Variants in ANKS1B observed in about 807,000 individuals in gnomAD.
ANKS1B encodes the protein ankyrin repeat and sterile alpha motif domain containing 1B, also known as ankyrin repeat and sterile alpha motif domain-containing protein 1B.
Under a neutral mutation model 148.3 loss-of-function variants are expected in ANKS1B, and 36 were observed. That is an observed-to-expected ratio of 0.24 (90% confidence interval 0.19 to 0.32). The LOEUF (loss-of-function observed/expected upper bound fraction) is 0.32, where lower values mean the gene tolerates loss of function less well. ANKS1B is among the 10% of genes least tolerant of loss of function. ANKS1B has a pLI of 1.00. For missense variants in ANKS1B, 1,157 were observed against 1,542.6 expected, an observed-to-expected ratio of 0.75 and a Z score of 4.19; for synonymous variants, 542 against 560.8, an observed-to-expected ratio of 0.97 and a Z score of 0.47.
chr12:99,648,180 G>C, intron 9 of ANKS1B: 6 of 1,611,502 alleles, frequency 3.7e-6, no homozygotes, highest in Non-Finnish European at 5.1e-6. Flanking sequence ...AAGACATGGA[G>C]GACTGCTGTA....
chr12:99,262,641 C>G (rs2076040164), intron 12 of ANKS1B, among the ~76,000 whole-genome samples: 4 of 151,350 alleles, frequency 2.6e-5, no homozygotes, highest in Admixed American at 1.3e-4. Flanking sequence ...TATTTTCCCC[C>G]AATGAAAATA....
intron 11 of ANKS1B, among the ~76,000 whole-genome samples, chr12:99,413,949 G>A (rs532997986): frequency 6.6e-6 from 1 of 152,096 alleles, no homozygotes; most frequent in Non-Finnish European, 1.5e-5. Context: ...CACCCTGACC[G>A]AGGCCCTGAG....
chr12:99,895,035 T>C lies in ANKS1B; in HGVS notation c.135-69646A>G, dbSNP rs114169857. Among the ~76,000 whole-genome samples, 1,373 of 151,070 alleles carry C rather than the reference T, an allele frequency of 9.1e-3. 40 individuals carry two copies. Among genetic ancestry groups the C allele is most frequent in the African/African-American group, 0.032 (1,307 of 41,404 alleles). On this transcript the variant is annotated intron_variant, in intron 1 of 26. Coordinates refer to ENST00000683438, the MANE Select transcript of ANKS1B (RefSeq NM_001352186.2). ...GGACCATTTGTATAATAGTTAATTT[T>C]ATATGTCAATTTGGCTGATCCACAG...
intron 14 of ANKS1B, among the ~76,000 whole-genome samples, chr12:99,224,842 T>C (rs559390663): frequency 6.6e-6 from 1 of 152,302 alleles, no homozygotes; most frequent in Admixed American, 6.5e-5. Context: ...TTTCTGACAC[T>C]GTATCTCATA....
At chr12:99,846,674 A>G (rs531224788) in intron 1 of ANKS1B, among the ~76,000 whole-genome samples, 1 of 152,238 alleles carries the variant, frequency 6.6e-6, no homozygotes, top group South Asian at 2.1e-4. Context: ...ATACTGTGAT[A>G]TTTTGCTGCC....
At chr12:99,289,358 C>G (rs1336555612) in intron 12 of ANKS1B, among the ~76,000 whole-genome samples, 2 of 152,026 alleles carry the variant, frequency 1.3e-5, no homozygotes, top group Non-Finnish European at 2.9e-5. Flanking sequence ...TTGGACAGAT[C>G]ATCCAGACAG....
intron 10 of ANKS1B, among the ~76,000 whole-genome samples, chr12:99,479,746 C>CAGAATGTTAGTCGAAAGG (rs924941535): frequency 6.6e-6 from 1 of 151,762 alleles, no homozygotes; most frequent in Non-Finnish European, 1.5e-5. Flanking sequence ...AGGAGAAAGG[C>CAGAATGTTAGTCGAAAGG]AGAATGTTAG....
chr12:99,124,814 T>C (rs2063848532), intron 15 of ANKS1B, among the ~76,000 whole-genome samples: 2 of 152,144 alleles, frequency 1.3e-5, no homozygotes, highest in Non-Finnish European at 2.9e-5. Flanking sequence ...GGAAGAAAAT[T>C]AATTCAATAT....
At chr12:99,189,565 C>T (rs142324034) in intron 14 of ANKS1B, among the ~76,000 whole-genome samples, 1 of 152,236 alleles carries the variant, frequency 6.6e-6, no homozygotes, top group African/African-American at 2.4e-5. Context: ...AAACATTATC[C>T]ATGACATAAA....
chr12:99,543,251 C>T (rs745842898), intron 9 of ANKS1B, among the ~76,000 whole-genome samples: 5 of 151,860 alleles, frequency 3.3e-5, no homozygotes, highest in Non-Finnish European at 5.9e-5. Flanking sequence ...TAGAGAAATG[C>T]AAATCAAAAC....
chr12:99,744,433 C>T (rs1441346940), intron 8 of ANKS1B, among the ~76,000 whole-genome samples: 1 of 152,154 alleles, frequency 6.6e-6, no homozygotes, highest in East Asian at 1.9e-4. Flanking sequence ...AGAACAGATG[C>T]TCTGAAGCAT....
At chr12:98,909,161 G>A (rs546254274) in intron 17 of ANKS1B, among the ~76,000 whole-genome samples, 1 of 152,098 alleles carries the variant, frequency 6.6e-6, no homozygotes, top group East Asian at 1.9e-4. Context: ...ATTTCTGGAG[G>A]GTATAACAGC....
rs79265341 is a variant in ANKS1B, at chr12:99,500,303, A to G, written c.1438+4173T>C. 4.7e-3 allele frequency among the ~76,000 whole-genome samples: 715 copies of G among 152,226 alleles called. 31 individuals carry two copies. The South Asian group carries it at 0.07, about 15-fold the overall frequency. ...AATACAAATGATGCAGCTTCCTCTT[A>G]GTTCTTTGGGGATGCTTGCTCTCAG... On this transcript the variant is annotated intron_variant, in intron 10 of 26. Transcript: ENST00000683438.
intron 17 of ANKS1B, among the ~76,000 whole-genome samples, chr12:98,909,170 G>A (rs140143081): frequency 6.6e-6 from 1 of 152,260 alleles, no homozygotes; most frequent in Non-Finnish European, 1.5e-5. Context: ...GGGTATAACA[G>A]CAGTATATTG....
At chr12:98,795,243 T>C (rs2098937527) in intron 22 of ANKS1B, among the ~76,000 whole-genome samples, 1 of 152,238 alleles carries the variant, frequency 6.6e-6, no homozygotes, top group Non-Finnish European at 1.5e-5. Flanking sequence ...AACAAGGAAC[T>C]AACAATTTGT....
At chr12:99,540,387 C>A (rs1264633041) in intron 9 of ANKS1B, among the ~76,000 whole-genome samples, 1 of 152,078 alleles carries the variant, frequency 6.6e-6, no homozygotes, top group African/African-American at 2.4e-5. Flanking sequence ...CGTGAAACAT[C>A]CTGCAGAATA....
At chr12:99,767,574 G>A (rs2062772664) in intron 8 of ANKS1B, among the ~76,000 whole-genome samples, 1 of 152,004 alleles carries the variant, frequency 6.6e-6, no homozygotes, top group African/African-American at 2.4e-5. Context: ...AAAACATAAA[G>A]AGAATAGAAA....
intron 16 of ANKS1B, among the ~76,000 whole-genome samples, chr12:99,054,285 T>C (rs2099968140): frequency 6.6e-6 from 1 of 152,188 alleles, no homozygotes; most frequent in Admixed American, 6.5e-5. Context: ...ACAACATAGA[T>C]TTTCCTCTTT....
At chr12:99,062,721 G>A (rs1484087278) in intron 16 of ANKS1B, among the ~76,000 whole-genome samples, 3 of 152,118 alleles carry the variant, frequency 2.0e-5, no homozygotes, top group Non-Finnish European at 4.4e-5. Context: ...ATTTTAGAAA[G>A]CACAGAGGAA....
Sources: allele counts gnomAD v4.1 joint callset (sites outside exome capture counted in the v4.1 genomes callset), GRCh38; gene constraint gnomAD v4.1.1; transcripts MANE v1.5; gene names NCBI Gene and HGNC (gene_info 2026-07-23, HGNC 2026-07-21).